Variants in IGSF9B observed in about 807,000 individuals in gnomAD.
The protein encoded by IGSF9B is immunoglobulin superfamily member 9B.
Under a neutral mutation model 143.7 loss-of-function variants are expected in IGSF9B, and 48 were observed. That is an observed-to-expected ratio of 0.33 (90% CI 0.26 to 0.42). The LOEUF (loss-of-function observed/expected upper bound fraction) is 0.42. Ranked by LOEUF, IGSF9B falls within the 20% of genes least tolerant of loss-of-function variation. The pLI, the probability that IGSF9B is intolerant of heterozygous loss-of-function variation, is 1.00. For synonymous variants in IGSF9B, 903 were observed against 833.1 expected (o/e 1.08, Z -1.44); for missense variants, 1,706 against 1,980.0 (o/e 0.86, Z 2.63).
At position 133,911,857 on chromosome 11, in the gene IGSF9B, A is replaced by T. The variant is rs1428328349; in HGVS notation, c.4105+29T>A. The T allele has an allele frequency of 2.0e-6, 3 of 1,490,268 alleles. No homozygotes were observed. The South Asian group carries it at 4.0e-5, about 20-fold the overall frequency. 92.3% of individuals were successfully genotyped at this position (1,490,268 alleles called of 1,614,324 possible). A position where few individuals can be genotyped will look rare whatever the true frequency, so the allele number is the denominator to read the frequency against. Reference sequence around the variant, plus strand: ...GACAACGGCAAGGCAAGGTGGGAGGAGCGGGGCGGGCCACTGCCCATCATT... The same window carrying T: ...GACAACGGCAAGGCAAGGTGGGAGGTGCGGGGCGGGCCACTGCCCATCATT... On this transcript the variant is annotated intron_variant, in intron 19 of 19. Coordinates refer to ENST00000533871, the MANE Select transcript of IGSF9B (RefSeq NM_001277285.4).
chr11:133,915,547 T>G (rs1304437828), intron 18 of IGSF9B, among the ~76,000 whole-genome samples: 1 of 151,982 alleles, frequency 6.6e-6, no homozygotes, highest in Non-Finnish European at 1.5e-5. Flanking sequence ...CCCACACTCT[T>G]TTTCTCTCTT....
At chr11:133,910,388 T>A (rs566574939) in intron 19 of IGSF9B, among the ~76,000 whole-genome samples, 3 of 152,188 alleles carry the variant, frequency 2.0e-5, no homozygotes, top group South Asian at 4.2e-4. Flanking sequence ...GAACACAGAG[T>A]TAGCAATAGA....
chr11:133,928,407 C>T lies in IGSF9B; in HGVS notation c.1631+1264G>A, dbSNP rs1299001745. On this transcript the variant is annotated intron_variant, in intron 12 of 19. Transcript: ENST00000533871. This position sits in a 1 kb window ranked among gnomAD's most constrained non-coding sequence, Gnocchi z 4.7. ...CAGGACACTCCGCCCGGGAAGCAGC[C>T]ACCGAACCACCATGATGGGAGACAG... is the stretch of plus-strand genomic sequence containing the variant. Among the ~76,000 whole-genome samples the T allele has an allele frequency of 2.6e-5, 4 of 152,174 alleles. No individual in the cohort carries two copies. Among genetic ancestry groups the T allele is most frequent in the Admixed American group, 2.6e-4 (4 of 15,280 alleles).
chr11:133,950,537 G>A (rs1298239342), intron 1 of IGSF9B, among the ~76,000 whole-genome samples: 2 of 152,208 alleles, frequency 1.3e-5, no homozygotes, highest in Non-Finnish European at 2.9e-5. Context: ...AAGCAGGTGG[G>A]GCAGAGGTCA....
rs766517121 is a variant in IGSF9B at position 133,946,184 on chromosome 11, C to T, written c.139G>A (p.Val47Met). Reference sequence around the variant, plus strand: ...GGCTGTCCCGTCACTGGGTGGATCACGTCGCATCGCAGGACCACGCTCTCC... The same window carrying T: ...GGCTGTCCCGTCACTGGGTGGATCATGTCGCATCGCAGGACCACGCTCTCC... The part of the protein sequence containing the change: ...AGESVVLRCD[V>M]IHPVTGQPPP... Residue 47 changes from valine (V) to methionine (M), a missense_variant, in exon 2 of 20, where the codon GTG (valine) becomes ATG (methionine). Physicochemically the swap from Val to Met is conservative, Grantham distance 21 (BLOSUM62 1). Around this residue, in one of 7 missense-constraint regions of IGSF9B, gnomAD observed 171 missense variants for 213.9 expected, o/e 0.80. Transcript: ENST00000533871. 45 of 1,613,532 alleles carry T rather than the reference C, an allele frequency of 2.8e-5. No individual in the cohort carries two copies. Among genetic ancestry groups the T allele is most frequent in the East Asian group, 2.2e-5 (1 of 44,860 alleles).
In IGSF9B at chr11:133,930,925, C is replaced by G. The variant is rs1939714154; in HGVS notation, c.1519+59G>C. 2.7e-6 allele frequency: 4 copies of G among 1,509,106 alleles called. No individual in the cohort carries two copies. In the African/African-American group the frequency reaches 5.5e-5, roughly 21 times the overall value. 93.5% of individuals were successfully genotyped at this position (1,509,106 alleles called of 1,614,324 possible). A position where few individuals can be genotyped will look rare whatever the true frequency, so the allele number is the denominator to read the frequency against. On this transcript the variant is annotated intron_variant, in intron 11 of 19. Coordinates refer to ENST00000533871, the MANE Select transcript of IGSF9B (RefSeq NM_001277285.4). ...GGGGACGCTCCCAGCGTCCAGCACC[C>G]CGCCCCCAGCCAGCCTGCTCTGTCC...
At chr11:133,916,834 G>A (rs1240618825) in intron 18 of IGSF9B, among the ~76,000 whole-genome samples, 1 of 152,152 alleles carries the variant, frequency 6.6e-6, no homozygotes, top group Non-Finnish European at 1.5e-5. Context: ...CTGGGACAGG[G>A]AGGGAGCTGG....
chr11:133,935,124 G>A (rs936452717), intron 7 of IGSF9B, among the ~76,000 whole-genome samples: 9 of 152,140 alleles, frequency 5.9e-5, no homozygotes, highest in African/African-American at 2.2e-4. Context: ...GAGAGGCCGC[G>A]GACGCCAGAG....
At chr11:133,944,400 C>G (rs1436403446) in intron 2 of IGSF9B, 34 bp from the exon 3 acceptor site, 1 of 1,609,988 alleles carries the variant, frequency 6.2e-7, no homozygotes, top group South Asian at 1.1e-5. Flanking sequence ...GCCCCACAGG[C>G]CATCAGGTAA....
rs111949841 is a variant in IGSF9B, at chr11:133,946,046, G to A, written c.262+15C>T. On this transcript the variant is annotated intron_variant, in intron 2 of 19. Coordinates refer to ENST00000533871, the MANE Select transcript of IGSF9B (RefSeq NM_001277285.4). Reference sequence around the variant, plus strand: ...AGCTGGGGAAGGTGCGGGAGACCGGGTGCCCAGACCTTACCTGCATACTCA... The same window carrying A: ...AGCTGGGGAAGGTGCGGGAGACCGGATGCCCAGACCTTACCTGCATACTCA... 0.011 allele frequency: 16,070 copies of A among 1,523,688 alleles called. 98 individuals carry two copies. Among genetic ancestry groups the A allele is most frequent in the Non-Finnish European group, 0.013 (14,568 of 1,129,046 alleles). 94.4% of individuals were successfully genotyped at this position (1,523,688 alleles called of 1,614,324 possible). A position where few individuals can be genotyped will look rare whatever the true frequency, so the allele number is the denominator to read the frequency against.
rs1483245242 is a variant in IGSF9B, at chr11:133,904,601, C to G, written c.*4468G>C. 6.6e-6 allele frequency among the ~76,000 whole-genome samples: 1 copy of G among 152,066 alleles called. No homozygotes were observed. The highest frequency in any genetic ancestry group is 1.5e-5 in the Non-Finnish European group (1 of 67,996). On this transcript the variant is annotated 3_prime_UTR_variant, in exon 20 of 20. Transcript: ENST00000533871. ...TACCACTCCCCAGCCAGATGCCCAC[C>G]AGGCAATCATTCTTCGTCATCTTGG... is the stretch of plus-strand genomic sequence containing the variant.
chr11:133,919,080 G>T, intron 18 of IGSF9B: 1 of 477,600 alleles, frequency 2.1e-6, no homozygotes, highest in African/African-American at 2.1e-5. Context: ...CTGGTCGCGG[G>T]AGCTGGTCTG....
chr11:133,931,364 C>T lies in IGSF9B; in HGVS notation c.1368+89G>A, dbSNP rs549361746. On this transcript the variant is annotated intron_variant, in intron 10 of 19. Coordinates refer to ENST00000533871, the MANE Select transcript of IGSF9B (RefSeq NM_001277285.4). This position sits in a 1 kb window ranked among gnomAD's most constrained non-coding sequence, Gnocchi z 7.7. ...CTCACACCTCCCCTCAGCCCCGGGG[C>T]TCGCTGGGCCCTCAAACCTCCCCGC... 8.7e-5 allele frequency: 86 copies of T among 983,132 alleles called. 1 individual carries two copies. Among genetic ancestry groups the T allele is most frequent in the Non-Finnish European group, 1.3e-4 (82 of 648,388 alleles). The allele number at this position is 983,132 out of a possible 1,614,324, so 60.9% of individuals were successfully genotyped here. A position where few individuals can be genotyped will look rare whatever the true frequency, so the allele number is the denominator to read the frequency against.
intron 11 of IGSF9B, among the ~76,000 whole-genome samples, chr11:133,930,284 A>G (rs1939698702): frequency 6.6e-6 from 1 of 152,164 alleles, no homozygotes; most frequent in African/African-American, 2.4e-5. Context: ...GTGACGCCGG[A>G]GAAAGCATTC....
At chr11:133,936,307 G>A (rs1403351012) in intron 5 of IGSF9B, 113 bp from the exon 6 acceptor site, 4 of 911,802 alleles carry the variant, frequency 4.4e-6, no homozygotes, top group Non-Finnish European at 5.0e-6. Flanking sequence ...CACTGCGATG[G>A]GGGCGGCTGT....
chr11:133,912,489 C>A (rs963332095), intron 18 of IGSF9B: 1 of 391,458 alleles, frequency 2.6e-6, no homozygotes, highest in Admixed American at 3.0e-5. Flanking sequence ...AAGTGAGAAA[C>A]CCGACCCCCA....
Position 133,900,440 on chromosome 11 carries a change from TCTGGAATTTGCTC to T in IGSF9B, c.*8616_*8628del, listed in dbSNP as rs1186108870. 4.6e-5 allele frequency: 7 copies of T among 152,556 alleles called. No homozygotes were observed. Among genetic ancestry groups the T allele is most frequent in the African/African-American group, 1.7e-4 (7 of 41,348 alleles). 9.5% of individuals were successfully genotyped at this position (152,556 alleles called of 1,614,324 possible). ...GCAGAGCCCTTGCATATGTGTGAGG[TCTGGAATTTGCTC>T]AGAGAGGTATTCTTCAGGGCACACT... On this transcript the variant is annotated 3_prime_UTR_variant, in exon 20 of 20. Coordinates refer to ENST00000533871, the MANE Select transcript of IGSF9B (RefSeq NM_001277285.4).
chr11:133,897,989 G>A lies in IGSF9B; in HGVS notation c.*11080C>T, dbSNP rs1939047951. The A allele has an allele frequency of 6.6e-6, 1 of 152,174 alleles. No homozygotes were observed. The highest frequency in any genetic ancestry group is 2.4e-5 in the African/African-American group (1 of 41,420). 9.4% of individuals were successfully genotyped at this position (152,174 alleles called of 1,614,324 possible). ...CTAAGTCACCCACCCCAAACCCCTA[G>A]GGAAAAATCAGAAAGAAGACAAAAT... On this transcript the variant is annotated 3_prime_UTR_variant, in exon 20 of 20. Transcript: ENST00000533871.
At chr11:133,936,985 G>A (rs1939835876) in intron 5 of IGSF9B, among the ~76,000 whole-genome samples, 1 of 152,212 alleles carries the variant, frequency 6.6e-6, no homozygotes, top group Non-Finnish European at 1.5e-5. Context: ...TAAATGTCTG[G>A]GGCTTGGATT....
Sources: allele counts gnomAD v4.1 joint callset (sites outside exome capture counted in the v4.1 genomes callset), GRCh38; gene constraint gnomAD v4.1.1; regional missense constraint gnomAD v4.1.1; non-coding constraint Gnocchi (gnomAD v3.1); transcripts MANE v1.5; gene names NCBI Gene and HGNC (gene_info 2026-07-23, HGNC 2026-07-21).